The following GPC6 variants were observed in gnomAD, a reference collection of about 807,000 sequenced individuals.
GPC6 encodes glypican-6.
In GPC6, 14 loss-of-function variants were observed where a neutral mutation model predicts 55.2. That is an observed-to-expected ratio of 0.25 (90% CI 0.17 to 0.40). GPC6 has a LOEUF of 0.40. Among genes scored for constraint, GPC6 ranks in the 10% least tolerant of loss-of-function variants. The pLI, the probability that GPC6 is intolerant of heterozygous loss-of-function variation, is 1.00. For missense variants in GPC6, 641 were observed against 708.5 expected, an observed-to-expected ratio of 0.90 and a Z score of 1.08; for synonymous variants, 278 against 259.6, an observed-to-expected ratio of 1.07 and a Z score of -0.68.
intron 1 of GPC6, among the ~76,000 whole-genome samples, chr13:93,444,968 A>C (rs995073803): frequency 3.9e-5 from 6 of 152,202 alleles, no homozygotes; most frequent in African/African-American, 9.6e-5. Flanking sequence ...AATAGGAGAC[A>C]GTAGTACGTT....
chr13:93,968,270 T>G (rs1287813517), intron 3 of GPC6, among the ~76,000 whole-genome samples: 1 of 152,156 alleles, frequency 6.6e-6, no homozygotes, highest in Non-Finnish European at 1.5e-5. Flanking sequence ...AAATAATTGC[T>G]TAATACATTT....
chr13:93,319,359 A>G (rs1009254630), intron 1 of GPC6, among the ~76,000 whole-genome samples: 4 of 152,204 alleles, frequency 2.6e-5, no homozygotes, highest in Admixed American at 6.5e-5. Flanking sequence ...GGAAAAACCC[A>G]CTAAAAAGGA....
chr13:93,364,026 T>C lies in GPC6; in HGVS notation c.160+136410T>C, dbSNP rs182904206. On this transcript the variant is annotated intron_variant, in intron 1 of 8. Transcript: ENST00000377047. ...ATTTGTTTGAGTTCATTGTAGATTCTGGATATTAGCCCTTTGTCAGATGAG... is the reference window on the plus strand; with the variant it reads ...ATTTGTTTGAGTTCATTGTAGATTCCGGATATTAGCCCTTTGTCAGATGAG... 2.0e-4 allele frequency among the ~76,000 whole-genome samples: 30 copies of C among 152,312 alleles called. No homozygotes were observed. The East Asian group carries it at 5.8e-3, about 29-fold the overall frequency.
intron 4 of GPC6, among the ~76,000 whole-genome samples, chr13:94,052,252 G>C (rs1883974640): frequency 6.6e-6 from 1 of 152,156 alleles, no homozygotes; most frequent in Admixed American, 6.5e-5. Flanking sequence ...AAAGGAAATT[G>C]ATCAGGGATT....
chr13:94,072,877 G>A (rs1458578402), intron 4 of GPC6, among the ~76,000 whole-genome samples: 3 of 152,178 alleles, frequency 2.0e-5, no homozygotes, highest in Non-Finnish European at 4.4e-5. Context: ...CGGCCTTGCA[G>A]GAGAATGGCA....
Position 93,782,187 on chromosome 13 carries a change from C to T in GPC6, c.320-47967C>T, listed in dbSNP as rs140299168. 2.5e-3 allele frequency among the ~76,000 whole-genome samples: 383 copies of T among 152,244 alleles called. 1 individual carries two copies. The highest frequency in any genetic ancestry group is 0.014 in the Middle Eastern group (4 of 294). On this transcript the variant is annotated intron_variant, in intron 2 of 8. Transcript: ENST00000377047. ...ATGTGTGAGATCACGTGATTTTTAT[C>T]ATTCTGTGCTTGGCCTATTTTACTT...
chr13:93,305,277 G>A (rs1878819282), intron 1 of GPC6, among the ~76,000 whole-genome samples: 1 of 147,322 alleles, frequency 6.8e-6, no homozygotes, highest in Non-Finnish European at 1.5e-5. Flanking sequence ...GTTTTGTTTT[G>A]TTTTGTTTGT....
chr13:94,148,190 A>G (rs1183368015), intron 4 of GPC6, among the ~76,000 whole-genome samples: 1 of 152,208 alleles, frequency 6.6e-6, no homozygotes, highest in Admixed American at 6.5e-5. Flanking sequence ...ATTAAATTTT[A>G]TGAACCAGGA....
At chr13:93,349,451 T>TA (rs1318129943) in intron 1 of GPC6, among the ~76,000 whole-genome samples, 3 of 152,144 alleles carry the variant, frequency 2.0e-5, no homozygotes, top group African/African-American at 7.2e-5. Context: ...ATGTTGGGTA[T>TA]AAAAATGTAT....
chr13:93,545,489 T>C, intron 2 of GPC6, 68 bp downstream of exon 2: 2 of 1,310,920 alleles, frequency 1.5e-6, no homozygotes, highest in Non-Finnish European at 1.1e-6. Context: ...TGGTATCATA[T>C]GAAAAATATT....
At chr13:93,223,737 C>T (rs1382163592), upstream of GPC6, among the ~76,000 whole-genome samples, 1 of 152,114 alleles carries the variant, frequency 6.6e-6, no homozygotes, top group East Asian at 1.9e-4. Flanking sequence ...AGCCACCACA[C>T]CCAGCAGAGA....
intron 2 of GPC6, among the ~76,000 whole-genome samples, chr13:93,640,036 C>A (rs1879848394): frequency 6.6e-6 from 1 of 152,056 alleles, no homozygotes; most frequent in African/African-American, 2.4e-5. Flanking sequence ...ATTATATCTG[C>A]TGCCAGACCT....
intron 6 of GPC6, among the ~76,000 whole-genome samples, chr13:94,345,698 A>G (rs1316920427): frequency 1.3e-5 from 2 of 152,040 alleles, no homozygotes; most frequent in Non-Finnish European, 2.9e-5. Context: ...GAGAACATCC[A>G]CCTGTCAGGG....
chr13:93,448,864 GACA>G (rs987343274), intron 1 of GPC6, among the ~76,000 whole-genome samples: 6 of 152,180 alleles, frequency 3.9e-5, no homozygotes, highest in East Asian at 3.9e-4. Context: ...TACTTAAAAT[GACA>G]ACAACAACAA....
chr13:93,420,325 G>C (rs910586330), intron 1 of GPC6, among the ~76,000 whole-genome samples: 7 of 152,278 alleles, frequency 4.6e-5, no homozygotes, highest in Admixed American at 3.3e-4. Context: ...GTCAGGAAAG[G>C]TCTTTTGAGG....
intron 2 of GPC6, among the ~76,000 whole-genome samples, chr13:93,817,116 G>A (rs1886881122): frequency 6.6e-6 from 1 of 152,102 alleles, no homozygotes; most frequent in Admixed American, 6.6e-5. Context: ...CCTGGATTTG[G>A]AATCCCAGCT....
intron 4 of GPC6, among the ~76,000 whole-genome samples, chr13:94,112,437 C>T (rs1886281506): frequency 6.6e-6 from 1 of 152,178 alleles, no homozygotes; most frequent in African/African-American, 2.4e-5. Context: ...TTCGCACACA[C>T]ACTCATTAAC....
chr13:93,982,079 A>G (rs993208461), intron 3 of GPC6, among the ~76,000 whole-genome samples: 3 of 152,156 alleles, frequency 2.0e-5, no homozygotes, highest in African/African-American at 7.2e-5. Context: ...ACCACTGAAC[A>G]AGAAATTTTC....
intron 6 of GPC6, among the ~76,000 whole-genome samples, chr13:94,369,409 G>T (rs1188558123): frequency 6.6e-6 from 1 of 152,150 alleles, no homozygotes; most frequent in Non-Finnish European, 1.5e-5. Context: ...GACAGCCATG[G>T]GCTGAAGGAG....
Sources: gnomAD v4.1 joint callset for allele counts (sites outside exome capture counted in the v4.1 genomes callset) on GRCh38, gnomAD v4.1.1 for gene constraint, MANE v1.5 for transcripts, NCBI Gene and HGNC (gene_info 2026-07-23, HGNC 2026-07-21) for gene names.